Variants in DCAF6 observed in about 807,000 individuals in gnomAD.
DCAF6 encodes DDB1 and CUL4 associated factor 6.
Under a neutral mutation model 125.1 loss-of-function variants are expected in DCAF6, and 54 were observed. The observed-to-expected ratio is 0.43, with a 90% CI of 0.35 to 0.54. The LOEUF is 0.54. DCAF6 is among the 20% of genes least tolerant of loss of function. DCAF6 has a pLI of 0.01. For missense variants in DCAF6, 934 were observed against 1,161.7 expected (o/e 0.80, Z 2.85); for synonymous variants, 371 against 390.4 (o/e 0.95, Z 0.58).
rs1673425374 is a variant in DCAF6 at position 167,948,443 on chromosome 1, T to G, written c.98-3357T>G. 2.6e-5 allele frequency among the ~76,000 whole-genome samples: 4 copies of G among 152,304 alleles called. No individual in the cohort carries two copies. The South Asian group carries it at 8.3e-4, about 32-fold the overall frequency. On this transcript the variant is annotated intron_variant, in intron 1 of 21. Coordinates refer to ENST00000367840, the MANE Select transcript of DCAF6 (RefSeq NM_001198956.2). ...TTTGCCCAACCTAAGTGTAGTATGT[T>G]CAAGTCAGATATTTAAACCTAATCC... is the stretch of plus-strand genomic sequence containing the variant.
At chr1:167,992,252 T>TACACACAC (rs761598229) in intron 6 of DCAF6, among the ~76,000 whole-genome samples, 128 of 143,186 alleles carry the variant, frequency 8.9e-4, no homozygotes, top group African/African-American at 3.0e-3. Context: ...AGGCCAGGAT[T>TACACACAC]ACACACACAC....
Position 168,003,980 on chromosome 1 carries a change from C to T in DCAF6, c.1108C>T (p.Arg370Ter). 1.2e-6 allele frequency: 2 copies of T among 1,611,726 alleles called. No homozygotes were observed. The highest frequency in any genetic ancestry group is 8.5e-7 in the Non-Finnish European group (1 of 1,178,748). ...AQSNRGRGRS[R>*]PRGGTSQSDI... ...AAGCAATAGAGGACGAGGAAGATCT[C>T]GACCCAGAGGTAATTTTTAATGTTA... The change falls in exon 9 of 22, where the codon CGA becomes TGA. Residue 370 changes from arginine to a stop codon, truncating the protein, a stop_gained. Coordinates refer to ENST00000367840, the MANE Select transcript of DCAF6 (RefSeq NM_001198956.2). LOFTEE classifies it high-confidence loss of function.
At chr1:167,984,387 A>G (rs1282733498) in intron 4 of DCAF6, among the ~76,000 whole-genome samples, 1 of 152,198 alleles carries the variant, frequency 6.6e-6, no homozygotes, top group African/African-American at 2.4e-5. Flanking sequence ...ACATGTTTTA[A>G]TAATTTAATT....
the DCAF6 span, among the ~76,000 whole-genome samples, chr1:167,919,351 A>C: frequency 6.6e-6 from 1 of 152,222 alleles, no homozygotes; most frequent in South Asian, 2.1e-4. Context: ...GTAGTATAAA[A>C]GCATAAGAAG....
the DCAF6 span, among the ~76,000 whole-genome samples, chr1:167,899,050 G>A: frequency 5.9e-5 from 9 of 152,150 alleles, no homozygotes; most frequent in African/African-American, 1.9e-4. Flanking sequence ...CCTGGGTTAG[G>A]AGGGTGTTGG....
intron 4 of DCAF6, among the ~76,000 whole-genome samples, chr1:167,985,644 T>A (rs552645136): frequency 1.1e-3 from 175 of 152,284 alleles, no homozygotes; most frequent in African/African-American, 3.7e-3. Context: ...AGGTAAAGTA[T>A]TCGTAGGTTC....
chr1:168,045,272 A>G (rs1445239637), intron 16 of DCAF6, 45 bp downstream of exon 16: 2 of 1,503,734 alleles, frequency 1.3e-6, no homozygotes, highest in South Asian at 1.3e-5. Flanking sequence ...AATGTATTTC[A>G]CAAGGATTTG....
chr1:167,895,003 G>A, the DCAF6 span, among the ~76,000 whole-genome samples: 1 of 151,934 alleles, frequency 6.6e-6, no homozygotes, highest in African/African-American at 2.4e-5. Flanking sequence ...GCCAACATGG[G>A]AAACCCTGTC....
Position 167,964,446 on chromosome 1 carries a change from T to C in DCAF6, c.160-2183T>C, listed in dbSNP as rs141979238. On this transcript the variant is annotated intron_variant, in intron 2 of 21. Transcript: ENST00000367840. ...TATCTTTGCTCCTCTATAGATAATG[T>C]TTTTTCCTCCAGCTTCTTTCAGGAT... Among the ~76,000 whole-genome samples, 63 of 152,300 alleles carry C rather than the reference T, an allele frequency of 4.1e-4. No individual in the cohort carries two copies. The Middle Eastern group carries it at 0.01, about 25-fold the overall frequency.
upstream of DCAF6, among the ~76,000 whole-genome samples, chr1:167,933,165 A>G (rs1033243085): frequency 3.4e-5 from 5 of 148,526 alleles, no homozygotes; most frequent in African/African-American, 1.3e-4. Flanking sequence ...ATAAAAACAC[A>G]TTAGTTTTTT....
upstream of DCAF6, chr1:167,935,661 G>A (rs1229300620): frequency 7.9e-7 from 1 of 1,268,780 alleles, no homozygotes; most frequent in Non-Finnish European, 1.1e-6. Flanking sequence ...GTTGTCAGAG[G>A]GCCTCTAAAA....
chr1:167,937,197 C>G lies in DCAF6; in HGVS notation c.97+189C>G. 1.2e-5 allele frequency: 7 copies of G among 603,814 alleles called. No individual in the cohort carries two copies. In the South Asian group the frequency reaches 1.4e-4, roughly 12 times the overall value. The allele number at this position is 603,814 out of a possible 1,614,324, so 37.4% of individuals were successfully genotyped here. On this transcript the variant is annotated intron_variant, in intron 1 of 21. Transcript: ENST00000367840. ...CCCCCAGTCAAGCCCCCTGTGCATG[C>G]TGCCAGCCGCCGCCCTTGCTGGGTT...
chr1:167,896,705 A>G, the DCAF6 span: 1 of 1,539,428 alleles, frequency 6.5e-7, no homozygotes, highest in South Asian at 1.1e-5. Context: ...AATAAAAGCA[A>G]ATGAGAAGTT....
intron 1 of DCAF6, among the ~76,000 whole-genome samples, chr1:167,939,762 CATAA>C (rs144622238): frequency 2.6e-5 from 4 of 151,426 alleles, no homozygotes; most frequent in South Asian, 2.1e-4. Context: ...AACTCTGCGT[CATAA>C]ATAAATAAAT....
the DCAF6 span, chr1:167,905,184 C>T: frequency 2.5e-6 from 4 of 1,610,876 alleles, no homozygotes; most frequent in South Asian, 3.3e-5. Flanking sequence ...AGGAAGCAGT[C>T]TCCAAATAGG....
At chr1:167,989,817 G>A (rs1347535316) in intron 5 of DCAF6, among the ~76,000 whole-genome samples, 1 of 151,570 alleles carries the variant, frequency 6.6e-6, no homozygotes, top group African/African-American at 2.4e-5. Flanking sequence ...GGAGGTGGAG[G>A]TTGCACTGCA....
At chr1:167,956,415 G>C (rs1219550071) in intron 2 of DCAF6, among the ~76,000 whole-genome samples, 1 of 151,960 alleles carries the variant, frequency 6.6e-6, no homozygotes, top group African/African-American at 2.4e-5. Context: ...ATGTTACTGT[G>C]TTTCTCATTA....
At chr1:167,944,499 A>G (rs752831249) in intron 1 of DCAF6, among the ~76,000 whole-genome samples, 4 of 152,226 alleles carry the variant, frequency 2.6e-5, no homozygotes, top group East Asian at 1.9e-4. Flanking sequence ...AATAAAAGAC[A>G]TTCTGACTAG....
chr1:167,958,345 G>GT (rs1002502461), intron 2 of DCAF6, among the ~76,000 whole-genome samples: 196 of 126,658 alleles, frequency 1.5e-3, no homozygotes, highest in African/African-American at 3.3e-3. Flanking sequence ...GTTTTTTTTT[G>GT]TTTTTTTTTT....
Sources: gnomAD v4.1 joint callset for allele counts (sites outside exome capture counted in the v4.1 genomes callset) on GRCh38, gnomAD v4.1.1 for gene constraint, MANE v1.5 for transcripts, NCBI Gene and HGNC (gene_info 2026-07-23, HGNC 2026-07-21) for gene names.